The following FRMD3 variants were observed in gnomAD, a reference collection of about 807,000 sequenced individuals.
The protein encoded by FRMD3 is FERM domain containing 3, also known as FERM domain-containing protein 3.
Under a neutral mutation model 70.2 loss-of-function variants are expected in FRMD3, and 33 were observed. The observed-to-expected ratio is 0.47, with a 90% CI of 0.36 to 0.63. FRMD3 has a LOEUF of 0.63. FRMD3 is among the 20% of genes least tolerant of loss of function. The probability of loss-of-function intolerance (pLI) is 0.00; values close to 1 mark genes in which losing one functional copy is unlikely to be tolerated. For synonymous variants in FRMD3, 279 were observed against 255.9 expected (o/e 1.09, Z -0.86); for missense variants, 632 against 711.4 (o/e 0.89, Z 1.27).
chr9:83,355,821 A>G (rs1301136207), intron 3 of FRMD3, among the ~76,000 whole-genome samples: 1 of 152,238 alleles, frequency 6.6e-6, no homozygotes, highest in Non-Finnish European at 1.5e-5. Flanking sequence ...AAGTGCTAAA[A>G]ACAGAGCATA....
chr9:83,417,668 C>T (rs80306648), intron 1 of FRMD3, among the ~76,000 whole-genome samples: 7,643 of 152,254 alleles, frequency 0.05, 268 homozygotes, highest in East Asian at 0.16. Flanking sequence ...AATGGAAACA[C>T]AAATCTGGGA....
intron 6 of FRMD3, among the ~76,000 whole-genome samples, chr9:83,325,802 G>A (rs1835990160): frequency 6.6e-6 from 1 of 152,124 alleles, no homozygotes; most frequent in Non-Finnish European, 1.5e-5. Context: ...GCCTGATTTT[G>A]TACAGCCCTC....
At chr9:83,345,108 C>T (rs1161329223) in intron 4 of FRMD3, among the ~76,000 whole-genome samples, 1 of 152,186 alleles carries the variant, frequency 6.6e-6, no homozygotes, top group Non-Finnish European at 1.5e-5. Flanking sequence ...TTGAAGGAAT[C>T]AGTGGCTCAC....
At position 83,361,516 on chromosome 9, in the gene FRMD3, T is replaced by C. The variant is rs112550110; in HGVS notation, c.295+11397A>G. On this transcript the variant is annotated intron_variant, in intron 3 of 13. Transcript: ENST00000304195. ...GTGCAAAGCTTTACTGTCAAAAGCA[T>C]GTGACCAAGGTCAGCAAAACAGAAC... Among the ~76,000 whole-genome samples the C allele has an allele frequency of 4.6e-3, 707 of 152,274 alleles. 9 individuals carry two copies. The highest frequency in any genetic ancestry group is 0.016 in the African/African-American group (681 of 41,552).
Position 83,244,654 on chromosome 9 carries a change from T to C in FRMD3, c.*3264A>G. The C allele has an allele frequency of 1.0e-6, 1 of 985,124 alleles. No homozygotes were observed. Among genetic ancestry groups the C allele is most frequent in the Non-Finnish European group, 1.2e-6 (1 of 829,644 alleles). The allele number at this position is 985,124 out of a possible 1,614,324, so 61.0% of individuals were successfully genotyped here. ...CCAGAGTATTTTTATTAGGGATTCC[T>C]GCCACCATATTAACATATAAAACAA... On this transcript the variant is annotated 3_prime_UTR_variant, in exon 14 of 14. Coordinates refer to ENST00000304195, the MANE Select transcript of FRMD3 (RefSeq NM_174938.6).
At chr9:83,313,547 G>A (rs537303898) in intron 7 of FRMD3, 113 bp downstream of exon 7, 68 of 815,326 alleles carry the variant, frequency 8.3e-5, no homozygotes, top group East Asian at 7.0e-4. Flanking sequence ...ATGAGGGACC[G>A]TGGGCCAAGC....
chr9:83,281,687 C>G (rs1833976072), intron 13 of FRMD3: 1 of 152,200 alleles, frequency 6.6e-6, no homozygotes, highest in African/African-American at 2.4e-5. Flanking sequence ...ATGAATTCAA[C>G]TTTAAAACCA....
At chr9:83,469,564 G>A (rs1828216344) in intron 1 of FRMD3, among the ~76,000 whole-genome samples, 1 of 152,192 alleles carries the variant, frequency 6.6e-6, no homozygotes, top group African/African-American at 2.4e-5. Flanking sequence ...ACTTGTGGAG[G>A]AGAAACTTAA....
chr9:83,285,961 C>T (rs949655646), intron 13 of FRMD3, among the ~76,000 whole-genome samples: 1 of 152,200 alleles, frequency 6.6e-6, no homozygotes, highest in Non-Finnish European at 1.5e-5. Context: ...AAAACATTCC[C>T]GTTGCCCAGT....
At chr9:83,467,891 C>A in intron 1 of FRMD3, 1 of 976,586 alleles carries the variant, frequency 1.0e-6, no homozygotes, top group Non-Finnish European at 1.4e-6. Context: ...TTTAATTGTT[C>A]AAGAACCTGC....
At chr9:83,336,695 G>GC (rs1289474313) in intron 5 of FRMD3, among the ~76,000 whole-genome samples, 1 of 136,348 alleles carries the variant, frequency 7.3e-6, no homozygotes, top group African/African-American at 2.9e-5. Flanking sequence ...ACTGAACATT[G>GC]CCCCCACTTG....
Position 83,290,638 on chromosome 9 carries a change from G to C in FRMD3, c.1160C>G (p.Pro387Arg), listed in dbSNP as rs1225720770. ...MEPLQPLLPS[P>R]SEQEEELPLG... ...AGGAAGTTCTTCTTCTTGCTCGCTG[G>C]GGGAAGGAAGCAGGGGCTGCAGGGG... Residue 387 changes from proline to arginine, a missense_variant, in exon 13 of 14, where the codon CCC becomes CGC. Physicochemically the swap from Pro to Arg is moderately radical, Grantham distance 103 (BLOSUM62 -2). Around this residue, in one of 3 missense-constraint regions of FRMD3, gnomAD observed 418 missense variants for 442.1 expected, o/e 0.95. Transcript: ENST00000304195. The C allele has an allele frequency of 6.8e-6, 11 of 1,613,954 alleles. No homozygotes were observed. Among genetic ancestry groups the C allele is most frequent in the Non-Finnish European group, 7.6e-6 (9 of 1,179,990 alleles).
intron 6 of FRMD3, among the ~76,000 whole-genome samples, chr9:83,327,019 C>T (rs7861920): frequency 0.45 from 68,130 of 151,964 alleles, 15,804 homozygotes; most frequent in African/African-American, 0.58. Context: ...GAATAAATGT[C>T]AATTATTAGT....
the FRMD3 span, among the ~76,000 whole-genome samples, chr9:83,580,157 A>G: frequency 6.6e-6 from 1 of 152,122 alleles, no homozygotes; most frequent in Non-Finnish European, 1.5e-5. Flanking sequence ...ATGCTGAGAA[A>G]AGGGAACCCA....
the FRMD3 span, among the ~76,000 whole-genome samples, chr9:83,583,901 G>A: frequency 5.3e-5 from 8 of 152,146 alleles, no homozygotes; most frequent in Non-Finnish European, 2.9e-5. Flanking sequence ...TGCAGCCAGT[G>A]GAAACTCTTT....
chr9:83,507,736 A>ATATATATATATCTATC lies in FRMD3; in HGVS notation c.147+30348_147+30349insGATAGATATATATATA, dbSNP rs1554713917. On this transcript the variant is annotated intron_variant, in intron 1 of 13. Transcript: ENST00000304195. ...TATATATATATATATATATATATAT[A>ATATATATATATCTATC]TATCTTCTGGAATATTTCCTGAAGG... 2.6e-4 allele frequency among the ~76,000 whole-genome samples: 23 copies of ATATATATATATCTATC among 88,696 alleles called. 3 individuals carry two copies. The highest frequency in any genetic ancestry group is 3.6e-4 in the Non-Finnish European group (15 of 42,242). 58.2% of individuals were successfully genotyped at this position (88,696 alleles called of 152,430 possible).
chr9:83,297,500 G>C (rs956077693), intron 12 of FRMD3: 3 of 274,348 alleles, frequency 1.1e-5, no homozygotes, highest in Non-Finnish European at 2.2e-5. Flanking sequence ...CATCAAACTA[G>C]GCAATCCCTG....
chr9:83,302,913 A>T (rs973314181), intron 10 of FRMD3, among the ~76,000 whole-genome samples: 4 of 152,112 alleles, frequency 2.6e-5, no homozygotes, highest in Non-Finnish European at 5.9e-5. Flanking sequence ...TCCCACTTCA[A>T]CTTCCAACTC....
chr9:83,568,402 A>C, the FRMD3 span, among the ~76,000 whole-genome samples: 1 of 152,230 alleles, frequency 6.6e-6, no homozygotes, highest in Non-Finnish European at 1.5e-5. Flanking sequence ...GATCAAAATA[A>C]TATCTATATT....
Sources: gnomAD v4.1 joint callset for allele counts (sites outside exome capture counted in the v4.1 genomes callset) on GRCh38, gnomAD v4.1.1 for gene constraint, gnomAD v4.1.1 regional missense constraint, MANE v1.5 for transcripts, NCBI Gene and HGNC (gene_info 2026-07-23, HGNC 2026-07-21) for gene names.